Variants in PKHD1 observed in about 807,000 individuals in gnomAD.
The protein encoded by PKHD1 is fibrocystin.
In PKHD1, 291 loss-of-function variants were observed where a neutral mutation model predicts 412.0. That is an observed-to-expected ratio of 0.71 (90% CI 0.64 to 0.78). The LOEUF (loss-of-function observed/expected upper bound fraction) is 0.78. PKHD1 is among the 30% of genes least tolerant of loss of function. PKHD1 has a pLI of 0.00. For missense variants in PKHD1, 4,825 were observed against 4,950.7 expected (o/e 0.97, Z 0.76); for synonymous variants, 1,777 against 1,821.5 (o/e 0.98, Z 0.62).
intron 11 of PKHD1, among the ~76,000 whole-genome samples, chr6:52,066,576 T>TA (rs1421076149): frequency 6.6e-6 from 1 of 152,160 alleles, no homozygotes; most frequent in Non-Finnish European, 1.5e-5. Flanking sequence ...TCACACCTCA[T>TA]ACCCAGTTCT....
At chr6:51,788,952 G>T (rs1275550944) in intron 53 of PKHD1, among the ~76,000 whole-genome samples, 1 of 152,118 alleles carries the variant, frequency 6.6e-6, no homozygotes, top group Non-Finnish European at 1.5e-5. Flanking sequence ...CTTGCTTAAG[G>T]TCAAACAGCC....
chr6:51,958,078 T>C (rs917105697), intron 36 of PKHD1, among the ~76,000 whole-genome samples: 4 of 152,178 alleles, frequency 2.6e-5, no homozygotes, highest in African/African-American at 7.2e-5. Context: ...GTTCTCATTC[T>C]TTCTAGAAGT....
rs549668273 is a variant in PKHD1, at chr6:51,782,747, T to G, written c.8441-6826A>C. On this transcript the variant is annotated intron_variant, in intron 53 of 66. Coordinates refer to ENST00000371117, the MANE Select transcript of PKHD1 (RefSeq NM_138694.4). ...GGACATACTTTTTTAACTTTGTATA[T>G]TTTTTTAAATGAACATCACATACAA... Among the ~76,000 whole-genome samples, 5 of 152,246 alleles carry G rather than the reference T, an allele frequency of 3.3e-5. No homozygotes were observed. The South Asian group carries it at 1.0e-3, about 32-fold the overall frequency.
intron 1 of PKHD1, among the ~76,000 whole-genome samples, chr6:52,085,491 T>G (rs1261766346): frequency 6.6e-6 from 1 of 152,144 alleles, no homozygotes; most frequent in African/African-American, 2.4e-5. Flanking sequence ...GGTCCCTTCC[T>G]GGATGCCCTC....
chr6:51,640,588 G>C (rs1002573068), intron 63 of PKHD1, among the ~76,000 whole-genome samples: 7 of 152,112 alleles, frequency 4.6e-5, no homozygotes, highest in Non-Finnish European at 1.0e-4. Flanking sequence ...GGGGTGGGGT[G>C]CTGGGCTCGA....
At chr6:52,023,079 G>A (rs1241721061) in intron 32 of PKHD1, 135 bp from the exon 33 acceptor site, 1 of 989,374 alleles carries the variant, frequency 1.0e-6, no homozygotes. Flanking sequence ...ACTGGCTTGA[G>A]GTGGCTGCTG....
At position 52,026,133 on chromosome 6, in the gene PKHD1, G is replaced by A. The variant is rs1248110728; in HGVS notation, c.3677C>T (p.Ala1226Val). The change falls in exon 32 of 67, where the codon GCT (alanine) becomes GTT (valine). Residue 1226 changes from alanine (A) to valine (V), a missense_variant. Coordinates refer to ENST00000371117, the MANE Select transcript of PKHD1 (RefSeq NM_138694.4). ...ATTGCCCACAAGTACCCAAACCAAA[G>A]CTGGGTCCCTGCTGAAGCCTATTCC... ...ISGIGFSRDP[A>V]LVWVLVGNRS... The A allele has an allele frequency of 2.5e-6, 4 of 1,614,090 alleles. No individual in the cohort carries two copies. The highest frequency in any genetic ancestry group is 3.4e-6 in the Non-Finnish European group (4 of 1,179,964).
chr6:51,930,412 G>A (rs1786392523), intron 37 of PKHD1, among the ~76,000 whole-genome samples: 1 of 152,186 alleles, frequency 6.6e-6, no homozygotes, highest in African/African-American at 2.4e-5. Flanking sequence ...GTATATGTGA[G>A]TGTATAAGGG....
At chr6:51,770,253 T>C (rs1216457833) in intron 55 of PKHD1, among the ~76,000 whole-genome samples, 1 of 151,892 alleles carries the variant, frequency 6.6e-6, no homozygotes, top group Non-Finnish European at 1.5e-5. Context: ...TATTATCTGC[T>C]GTAAAACTTT....
In PKHD1 at chr6:52,024,574, C is replaced by T. The variant is rs745387993; in HGVS notation, c.5236G>A (p.Gly1746Ser). 27 of 1,613,696 alleles carry T rather than the reference C, an allele frequency of 1.7e-5. No individual in the cohort carries two copies. The highest frequency in any genetic ancestry group is 6.6e-5 in the South Asian group (6 of 91,038). ...VIITAVTENF[G>S]CLGGRLVHVF... ...GTGCTGTCTTATTTGCTTGACTTACCGAAGTTCTCCGTCACTGCTGTAATA... is the reference window on the plus strand; with the variant it reads ...GTGCTGTCTTATTTGCTTGACTTACTGAAGTTCTCCGTCACTGCTGTAATA... Residue 1746 changes from glycine (G) to serine (S), a missense_variant and splice_region_variant, in exon 32 of 67, where the codon GGC becomes AGC. Coordinates refer to ENST00000371117, the MANE Select transcript of PKHD1 (RefSeq NM_138694.4).
intron 60 of PKHD1, among the ~76,000 whole-genome samples, chr6:51,707,808 A>G (rs1221023989): frequency 6.6e-6 from 1 of 152,138 alleles, no homozygotes; most frequent in Non-Finnish European, 1.5e-5. Context: ...TTGATACTGT[A>G]TCATCCCACC....
chr6:51,892,452 G>C (rs1779256632), intron 43 of PKHD1, among the ~76,000 whole-genome samples: 1 of 152,202 alleles, frequency 6.6e-6, no homozygotes, highest in Non-Finnish European at 1.5e-5. Flanking sequence ...GAAGAAGAGA[G>C]AAGAGGGCTA....
chr6:51,645,022 G>T (rs1202937926), intron 63 of PKHD1, among the ~76,000 whole-genome samples: 1 of 152,256 alleles, frequency 6.6e-6, no homozygotes, highest in East Asian at 1.9e-4. Context: ...CCTCAAATTT[G>T]CATAAGAATG....
Position 51,659,952 on chromosome 6 carries a change from G to T in PKHD1, c.10174C>A (p.Gln3392Lys), listed in dbSNP as rs201082169. 6.2e-7 allele frequency: 1 copy of T among 1,603,600 alleles called. No homozygotes were observed. Among genetic ancestry groups the T allele is most frequent in the Non-Finnish European group, 8.5e-7 (1 of 1,170,900 alleles). Residue 3392 changes from glutamine to lysine, a missense_variant, in exon 61 of 67, where the codon CAG (glutamine) becomes AAG (lysine). Physicochemically the swap from Gln to Lys is moderately conservative, Grantham distance 53. Transcript: ENST00000371117. Reference protein sequence around the residue: ...FFNAGTFREEQKCTYQFLMQG... With the variant: ...FFNAGTFREEKKCTYQFLMQG... Reference sequence around the variant, plus strand: ...ATCAGAAATTGGTATGTACATTTCTGTTCTTCTCTAAATGTACCTATAAAA... The same window carrying T: ...ATCAGAAATTGGTATGTACATTTCTTTTCTTCTCTAAATGTACCTATAAAA...
chr6:51,977,542 C>T (rs574767304), intron 35 of PKHD1, among the ~76,000 whole-genome samples: 2 of 152,274 alleles, frequency 1.3e-5, no homozygotes, highest in East Asian at 3.9e-4. Flanking sequence ...GATATTGTCC[C>T]CTCACCCCAA....
chr6:51,686,164 A>T (rs1777411883), intron 60 of PKHD1, among the ~76,000 whole-genome samples: 1 of 152,148 alleles, frequency 6.6e-6, no homozygotes, highest in Admixed American at 6.6e-5. Context: ...TAGAGATTCA[A>T]GGTGAGAAGG....
chr6:52,057,090 T>C (rs1807877763), intron 16 of PKHD1, 111 bp from the exon 17 acceptor site: 3 of 765,264 alleles, frequency 3.9e-6, no homozygotes, highest in African/African-American at 1.7e-5. Flanking sequence ...TTTATTATAA[T>C]TTTAACTTTT....
intron 60 of PKHD1, among the ~76,000 whole-genome samples, chr6:51,716,266 T>C (rs1426536814): frequency 6.6e-6 from 1 of 152,170 alleles, no homozygotes. Flanking sequence ...TAAAATAATA[T>C]TCATTTAGCT....
rs1013616568 is a variant in PKHD1 at position 51,943,739 on chromosome 6, T to A, written c.5909-9417A>T. ...TTCATACAAAACCATATCCAGGCCA[T>A]CACCAATCATTCTATATGACAAATA... On this transcript the variant is annotated intron_variant, in intron 36 of 66. Coordinates refer to ENST00000371117, the MANE Select transcript of PKHD1 (RefSeq NM_138694.4). 4.6e-5 allele frequency among the ~76,000 whole-genome samples: 7 copies of A among 151,502 alleles called. 1 individual carries two copies. The highest frequency in any genetic ancestry group is 1.7e-4 in the African/African-American group (7 of 41,340).
Sources: allele counts gnomAD v4.1 joint callset (sites outside exome capture counted in the v4.1 genomes callset), GRCh38; gene constraint gnomAD v4.1.1; transcripts MANE v1.5; gene names NCBI Gene and HGNC (gene_info 2026-07-23, HGNC 2026-07-21).